Variants in ZNF569 observed in about 807,000 individuals in gnomAD.
The protein encoded by ZNF569 is zinc finger protein 569.
Under a neutral mutation model 56.3 loss-of-function variants are expected in ZNF569, and 38 were observed. The observed-to-expected ratio is 0.68, with a 90% CI of 0.52 to 0.88. The LOEUF (loss-of-function observed/expected upper bound fraction) is 0.88, where lower values mean the gene tolerates loss of function less well. Ranked by LOEUF, ZNF569 falls within the 40% of genes least tolerant of loss-of-function variation. The pLI, the probability that ZNF569 is intolerant of heterozygous loss-of-function variation, is 0.00. For synonymous variants in ZNF569, 241 were observed against 262.9 expected, an observed-to-expected ratio of 0.92 and a Z score of 0.81; for missense variants, 666 against 809.2, an observed-to-expected ratio of 0.82 and a Z score of 2.15.
At chr19:37,467,672 G>C, upstream of ZNF569, 3 of 608,560 alleles carry the variant, frequency 4.9e-6, no homozygotes. Context: ...GTCAGCTGGA[G>C]CCTTAAGGTC....
intron 3 of ZNF569, among the ~76,000 whole-genome samples, chr19:37,439,836 T>C (rs535022857): frequency 1.3e-5 from 2 of 152,282 alleles, no homozygotes; most frequent in East Asian, 3.9e-4. Flanking sequence ...TCTCACTTAT[T>C]TATGAGAGCT....
chr19:37,416,504 C>G (rs1314160258), intron 5 of ZNF569, among the ~76,000 whole-genome samples: 2 of 152,078 alleles, frequency 1.3e-5, no homozygotes, highest in Non-Finnish European at 2.9e-5. Context: ...TGCTCAATGC[C>G]TTACATAAAA....
intron 2 of ZNF569, among the ~76,000 whole-genome samples, chr19:37,464,729 T>C (rs1472063101): frequency 6.6e-6 from 1 of 152,174 alleles, no homozygotes; most frequent in African/African-American, 2.4e-5. Flanking sequence ...ACCATGCATT[T>C]TTCAGAATGT....
chr19:37,431,720 T>C (rs1455010182), intron 3 of ZNF569: 1 of 152,256 alleles, frequency 6.6e-6, no homozygotes, highest in Non-Finnish European at 1.5e-5. Flanking sequence ...CAGCACCAAG[T>C]GGGTTCTTGG....
At chr19:37,416,124 T>C (rs2146858668) in intron 5 of ZNF569, among the ~76,000 whole-genome samples, 1 of 151,680 alleles carries the variant, frequency 6.6e-6, no homozygotes, top group African/African-American at 2.4e-5. Flanking sequence ...TCCCAGCTAC[T>C]AGGGAGGCTG....
In ZNF569 at chr19:37,414,379, G is replaced by T. The variant is rs2040893789; in HGVS notation, c.279C>A (p.Asp93Glu). 6.2e-7 allele frequency: 1 copy of T among 1,605,632 alleles called. No homozygotes were observed. Among genetic ancestry groups the T allele is most frequent in the Non-Finnish European group, 8.5e-7 (1 of 1,176,790 alleles). Residue 93 changes from aspartate to glutamate, a missense_variant, in exon 6 of 6, where the codon GAC (aspartate) becomes GAA (glutamate). Transcript: ENST00000316950. ...WGVDEHQKNQDRLLRQVEVKF... is the reference protein window; with the variant it reads ...WGVDEHQKNQERLLRQVEVKF... Reference sequence around the variant, plus strand: ...TAACTTCAACTTGTCTCAAAAGTCTGTCCTGGTTTTTCTGATGCTCATCAA... The same window carrying T: ...TAACTTCAACTTGTCTCAAAAGTCTTTCCTGGTTTTTCTGATGCTCATCAA...
intron 3 of ZNF569, among the ~76,000 whole-genome samples, chr19:37,436,100 C>T (rs1207246666): frequency 6.6e-6 from 1 of 152,030 alleles, no homozygotes; most frequent in Non-Finnish European, 1.5e-5. Context: ...AGGCCATAAA[C>T]CAGTCTTAAA....
intron 2 of ZNF569, among the ~76,000 whole-genome samples, chr19:37,456,208 C>T (rs1600346870): frequency 6.6e-6 from 1 of 152,016 alleles, no homozygotes; most frequent in Non-Finnish European, 1.5e-5. Flanking sequence ...GGCCTTTCTT[C>T]TCTCTTATTG....
intron 3 of ZNF569, chr19:37,431,765 A>C (rs1284421023): frequency 6.6e-6 from 1 of 152,216 alleles, no homozygotes; most frequent in South Asian, 2.1e-4. Flanking sequence ...CTTGCATGGT[A>C]TTTCTGGACC....
intron 2 of ZNF569, among the ~76,000 whole-genome samples, chr19:37,455,932 C>A (rs2041664236): frequency 6.6e-6 from 1 of 152,208 alleles, no homozygotes; most frequent in Non-Finnish European, 1.5e-5. Flanking sequence ...GTTGCAACTA[C>A]AGGAATCAAA....
At chr19:37,450,638 GTTTCC>G (rs2041576827) in intron 2 of ZNF569, among the ~76,000 whole-genome samples, 1 of 151,658 alleles carries the variant, frequency 6.6e-6, no homozygotes, top group African/African-American at 2.4e-5. Context: ...TTATGCTCTC[GTTTCC>G]TTTATTTCCT....
chr19:37,449,047 A>G (rs2041548769), intron 2 of ZNF569, among the ~76,000 whole-genome samples: 1 of 151,982 alleles, frequency 6.6e-6, no homozygotes, highest in Non-Finnish European at 1.5e-5. Flanking sequence ...CTTTCGAATT[A>G]TTTTTTAATT....
chr19:37,468,094 GT>G, upstream of ZNF569: 3 of 663,412 alleles, frequency 4.5e-6, no homozygotes, highest in Non-Finnish European at 7.5e-6. Flanking sequence ...TGTTTGTTTT[GT>G]TTTTTTTGAG....
upstream of ZNF569, chr19:37,469,222 G>A (rs2041908876): frequency 7.6e-7 from 1 of 1,320,152 alleles, no homozygotes; most frequent in Non-Finnish European, 9.7e-7. Flanking sequence ...CAAACCCTGC[G>A]CGGAGCTGCA....
At chr19:37,448,566 T>G (rs2041537882) in intron 2 of ZNF569, among the ~76,000 whole-genome samples, 1 of 139,624 alleles carries the variant, frequency 7.2e-6, no homozygotes, top group Non-Finnish European at 1.5e-5. Flanking sequence ...CTTTTTTTTT[T>G]TTTTTTTTTT....
intron 2 of ZNF569, among the ~76,000 whole-genome samples, chr19:37,445,529 G>A (rs925937579): frequency 6.6e-6 from 1 of 152,120 alleles, no homozygotes; most frequent in Non-Finnish European, 1.5e-5. Context: ...CTGATGACAT[G>A]ATTGTATACC....
At position 37,454,771 on chromosome 19, in the gene ZNF569, T is replaced by C. The variant is rs1407210850; in HGVS notation, c.-43-9807A>G. 7 of 694,288 alleles carry C rather than the reference T, an allele frequency of 1.0e-5. No homozygotes were observed. In the East Asian group the frequency reaches 1.1e-4, roughly 11 times the overall value. 43.0% of individuals were successfully genotyped at this position (694,288 alleles called of 1,614,324 possible). ...GCAAGTCCCCCAGTGGTTTCACACT[T>C]TCATTAGCTGACATTCACACTTTAA... On this transcript the variant is annotated intron_variant, in intron 2 of 5. Transcript: ENST00000316950.
At chr19:37,459,060 C>A (rs2146971441) in intron 2 of ZNF569, among the ~76,000 whole-genome samples, 1 of 152,044 alleles carries the variant, frequency 6.6e-6, no homozygotes, top group African/African-American at 2.4e-5. Flanking sequence ...GGGACAATAT[C>A]AAAACATGTA....
intron 2 of ZNF569, among the ~76,000 whole-genome samples, chr19:37,447,886 C>T (rs1191452570): frequency 6.6e-6 from 1 of 152,162 alleles, no homozygotes; most frequent in East Asian, 1.9e-4. Context: ...TTACAGTCAA[C>T]TGTAGTAATT....
Sources: gnomAD v4.1 joint callset for allele counts (sites outside exome capture counted in the v4.1 genomes callset) on GRCh38, gnomAD v4.1.1 for gene constraint, MANE v1.5 for transcripts, NCBI Gene and HGNC (gene_info 2026-07-23, HGNC 2026-07-21) for gene names.